The following ATP2B4 variants were observed in gnomAD, a reference collection of about 807,000 sequenced individuals.
ATP2B4 encodes plasma membrane calcium-transporting ATPase 4.
A neutral mutation model predicts 110.3 loss-of-function variants in ATP2B4; 39 were observed. The observed-to-expected ratio is 0.35, with a 90% confidence interval of 0.27 to 0.46. The LOEUF (loss-of-function observed/expected upper bound fraction) is 0.46, where lower values mean the gene tolerates loss of function less well. ATP2B4 is among the 20% of genes least tolerant of loss of function. The probability of loss-of-function intolerance (pLI) is 1.00; values close to 1 mark genes in which losing one functional copy is unlikely to be tolerated. For missense variants in ATP2B4, 1,135 were observed against 1,530.9 expected (o/e 0.74, Z 4.32); for synonymous variants, 538 against 571.7 (o/e 0.94, Z 0.84).
chr1:203,711,034 G>C lies in ATP2B4; in HGVS notation c.1957G>C (p.Asp653His). ...RDFDDTEPSW[D>H]NENEILTELT... ...CTTCGATGACACAGAGCCCTCTTGG[G>C]ACAATGAGAATGAGATCCTCACCGA... The change falls in exon 12 of 21, where the codon GAC (aspartate) becomes CAC (histidine). Residue 653 changes from aspartate to histidine, a missense_variant. By Grantham distance (81) the Asp-to-His change is moderately conservative (BLOSUM62 -1). Coordinates refer to ENST00000357681, the MANE Select transcript of ATP2B4 (RefSeq NM_001684.5). 6.2e-7 allele frequency: 1 copy of C among 1,614,084 alleles called. No homozygotes were observed.
chr1:203,675,273 G>A (rs922399458), intron 1 of ATP2B4, among the ~76,000 whole-genome samples: 14 of 152,154 alleles, frequency 9.2e-5, no homozygotes, highest in Non-Finnish European at 1.6e-4. Context: ...GTCATCTATG[G>A]GTCCTACCTT....
intron 1 of ATP2B4, among the ~76,000 whole-genome samples, chr1:203,677,945 G>A (rs1664876861): frequency 6.6e-6 from 1 of 152,230 alleles, no homozygotes. Flanking sequence ...AGCCCATCGG[G>A]GAAGGACAGA....
intron 2 of ATP2B4, among the ~76,000 whole-genome samples, chr1:203,686,749 A>G (rs1665204290): frequency 8.4e-6 from 1 of 118,452 alleles, no homozygotes; most frequent in African/African-American, 3.3e-5. Flanking sequence ...GCTGGAGTGT[A>G]ATGGCGCGAT....
chr1:203,630,706 A>G (rs1208135034), intron 1 of ATP2B4, among the ~76,000 whole-genome samples: 1 of 152,200 alleles, frequency 6.6e-6, no homozygotes, highest in Non-Finnish European at 1.5e-5. Context: ...TACCCAGCCC[A>G]GTTCCCTGCT....
In ATP2B4 at chr1:203,714,206, G is replaced by A. The variant is rs758894471; in HGVS notation, c.2335G>A (p.Val779Ile). ...CAGCACTGTTGGGGAACACCGGCAG[G>A]TCGTGGCTGTCACTGGTGATGGCAC... is the stretch of plus-strand genomic sequence containing the variant. ...IDSTVGEHRQ[V>I]VAVTGDGTND... Residue 779 changes from valine to isoleucine, a missense_variant, in exon 15 of 21, where the codon GTC becomes ATC. By Grantham distance (29) the Val-to-Ile change is conservative. Around this residue, in one of 9 missense-constraint regions of ATP2B4, gnomAD observed 368 missense variants for 455.9 expected, o/e 0.81. Transcript: ENST00000357681. The A allele has an allele frequency of 2.5e-6, 4 of 1,614,176 alleles. No homozygotes were observed. The highest frequency in any genetic ancestry group is 2.2e-5 in the South Asian group (2 of 91,086).
At chr1:203,689,567 T>C (rs926079208) in intron 2 of ATP2B4, among the ~76,000 whole-genome samples, 3 of 152,260 alleles carry the variant, frequency 2.0e-5, no homozygotes, top group African/African-American at 7.2e-5. Context: ...TTCTGTTTTA[T>C]GTTCCTTCTG....
chr1:203,683,114 A>C lies in ATP2B4; in HGVS notation c.-92A>C. On this transcript the variant is annotated 5_prime_UTR_variant, in exon 2 of 21. Transcript: ENST00000357681. ...GGCCCCCAGAGAAGCAAGAAGTAGG[A>C]AGAAGTTGAGACAGGGAGGCAGGAG... 1 of 1,433,338 alleles carries C rather than the reference A, an allele frequency of 7.0e-7. No homozygotes were observed. The highest frequency in any genetic ancestry group is 9.5e-7 in the Non-Finnish European group (1 of 1,057,404). The allele number at this position is 1,433,338 out of a possible 1,614,324, so 88.8% of individuals were successfully genotyped here.
chr1:203,655,646 A>AAATAAT (rs1553244495), intron 1 of ATP2B4, among the ~76,000 whole-genome samples: 5 of 151,736 alleles, frequency 3.3e-5, no homozygotes, highest in Non-Finnish European at 7.4e-5. Context: ...ACTCCATCTC[A>AAATAAT]AATAATAATA....
intron 1 of ATP2B4, among the ~76,000 whole-genome samples, chr1:203,679,348 G>C (rs761945220): frequency 6.6e-6 from 1 of 152,128 alleles, no homozygotes; most frequent in Non-Finnish European, 1.5e-5. Context: ...TAGTATTATA[G>C]CGATCCCACC....
chr1:203,736,190 C>T (rs531762999), intron 20 of ATP2B4, among the ~76,000 whole-genome samples: 3 of 152,262 alleles, frequency 2.0e-5, no homozygotes, highest in South Asian at 2.1e-4. Context: ...AACTGCCTGG[C>T]GCGGTGGCTC....
intron 1 of ATP2B4, among the ~76,000 whole-genome samples, chr1:203,675,491 T>A (rs1276929652): frequency 6.6e-6 from 1 of 152,198 alleles, no homozygotes; most frequent in African/African-American, 2.4e-5. Context: ...CTTTGGAAGA[T>A]GTAGCCAGGA....
chr1:203,685,195 A>C (rs1452991982), intron 2 of ATP2B4, among the ~76,000 whole-genome samples: 1 of 152,240 alleles, frequency 6.6e-6, no homozygotes, highest in African/African-American at 2.4e-5. Flanking sequence ...GATAATGAAA[A>C]ATTCAGCTTC....
In ATP2B4 at chr1:203,735,647, T is replaced by C. The variant is rs564742169; in HGVS notation, c.3310-3899T>C. Reference sequence around the variant, plus strand: ...TGTGAGGAATGGGGGTGGAACTTGATAGAGATACATACAATTTCTTTAGGT... The same window carrying C: ...TGTGAGGAATGGGGGTGGAACTTGACAGAGATACATACAATTTCTTTAGGT... On this transcript the variant is annotated intron_variant, in intron 20 of 20. Transcript: ENST00000357681. 2.6e-5 allele frequency among the ~76,000 whole-genome samples: 4 copies of C among 152,292 alleles called. No homozygotes were observed. The East Asian group carries it at 7.7e-4, about 29-fold the overall frequency.
intron 1 of ATP2B4, among the ~76,000 whole-genome samples, chr1:203,679,654 G>T (rs1335027239): frequency 1.3e-5 from 2 of 152,142 alleles, no homozygotes; most frequent in Non-Finnish European, 2.9e-5. Flanking sequence ...GGAGGCCGAG[G>T]GGGGTGGATC....
chr1:203,633,826 A>G (rs1484055098), intron 1 of ATP2B4, among the ~76,000 whole-genome samples: 4 of 152,086 alleles, frequency 2.6e-5, no homozygotes, highest in Admixed American at 1.3e-4. Flanking sequence ...TGAGGTGGGT[A>G]GATCACCTGA....
In ATP2B4 at chr1:203,629,833, C is replaced by A. The variant is rs1349739845; in HGVS notation, c.-465+2614C>A. Reference sequence around the variant, plus strand: ...AGTCAAAGGAGCACAGCCCGTCTTACCCCTGGGACTCCCAGCGCCCAGCAC... The same window carrying A: ...AGTCAAAGGAGCACAGCCCGTCTTAACCCTGGGACTCCCAGCGCCCAGCAC... On this transcript the variant is annotated intron_variant, in intron 1 of 20. Coordinates refer to ENST00000357681, the MANE Select transcript of ATP2B4 (RefSeq NM_001684.5). The surrounding 1 kb of genome is among the most constrained non-coding windows in gnomAD (Gnocchi z 4.6). Among the ~76,000 whole-genome samples, 1 of 152,212 alleles carries A rather than the reference C, an allele frequency of 6.6e-6. No homozygotes were observed. The highest frequency in any genetic ancestry group is 1.5e-5 in the Non-Finnish European group (1 of 68,040).
intron 19 of ATP2B4, among the ~76,000 whole-genome samples, chr1:203,724,874 T>C (rs954187025): frequency 4.5e-4 from 63 of 141,438 alleles, no homozygotes; most frequent in Non-Finnish European, 7.9e-4. Context: ...TCTGTTTTTT[T>C]TTTTTTTTTT....
intron 1 of ATP2B4, among the ~76,000 whole-genome samples, chr1:203,642,630 G>A (rs1007213649): frequency 3.3e-5 from 5 of 152,118 alleles, no homozygotes; most frequent in Non-Finnish European, 7.4e-5. Flanking sequence ...TTTCAGCCCC[G>A]GGGGTCAGAG....
intron 10 of ATP2B4, among the ~76,000 whole-genome samples, chr1:203,709,027 G>C (rs187749842): frequency 3.3e-5 from 5 of 152,040 alleles, no homozygotes; most frequent in African/African-American, 1.2e-4. Flanking sequence ...CATGGTGGCA[G>C]GTACCTGTAG....
Sources: allele counts gnomAD v4.1 joint callset (sites outside exome capture counted in the v4.1 genomes callset), GRCh38; gene constraint gnomAD v4.1.1; regional missense constraint gnomAD v4.1.1; non-coding constraint Gnocchi (gnomAD v3.1); transcripts MANE v1.5; gene names NCBI Gene and HGNC (gene_info 2026-07-23, HGNC 2026-07-21).